Variants in NCOA2 observed in about 807,000 individuals in gnomAD.
NCOA2 encodes the protein class E basic helix-loop-helix protein 75.
NCOA2 carries 21 observed loss-of-function variants against 145.1 expected under a neutral mutation model. The observed-to-expected ratio is 0.14, with a 90% CI of 0.10 to 0.21. The LOEUF (loss-of-function observed/expected upper bound fraction) is 0.21, where lower values mean the gene tolerates loss of function less well. Ranked by LOEUF, NCOA2 falls within the 10% of genes least tolerant of loss-of-function variation. The probability of loss-of-function intolerance (pLI) is 1.00; values close to 1 mark genes in which losing one functional copy is unlikely to be tolerated. For synonymous variants in NCOA2, 619 were observed against 637.5 expected, an observed-to-expected ratio of 0.97 and a Z score of 0.44; for missense variants, 1,472 against 1,837.6, an observed-to-expected ratio of 0.80 and a Z score of 3.64.
intron 1 of NCOA2, among the ~76,000 whole-genome samples, chr8:70,382,932 T>TAC (rs1812342530): frequency 6.6e-6 from 1 of 152,260 alleles, no homozygotes; most frequent in East Asian, 1.9e-4. Flanking sequence ...ACACAGATGG[T>TAC]ACTCTGCAGT....
intron 1 of NCOA2, among the ~76,000 whole-genome samples, chr8:70,309,227 G>C (rs1291703158): frequency 6.6e-6 from 1 of 152,088 alleles, no homozygotes; most frequent in Non-Finnish European, 1.5e-5. Flanking sequence ...ATACAGAAGA[G>C]ACAAACCATC....
intron 10 of NCOA2, among the ~76,000 whole-genome samples, 191 bp downstream of exon 10, chr8:70,159,314 C>T (rs1812700945): frequency 7.0e-6 from 1 of 142,104 alleles, no homozygotes; most frequent in Non-Finnish European, 1.5e-5. Flanking sequence ...GCCATGGATA[C>T]AGAGGGCCAA....
At chr8:70,144,588 T>C (rs903844991) in intron 13 of NCOA2, 54 bp downstream of exon 13, 22 of 1,408,750 alleles carry the variant, frequency 1.6e-5, no homozygotes, top group Non-Finnish European at 2.2e-5. Context: ...TGGATAAATA[T>C]ACCATTAAAT....
At chr8:70,425,951 G>A in the NCOA2 span, among the ~76,000 whole-genome samples, 2 of 152,244 alleles carry the variant, frequency 1.3e-5, no homozygotes, top group East Asian at 1.9e-4. Flanking sequence ...ATCAGAGGAT[G>A]GAATGTGAAT....
At position 70,330,484 on chromosome 8, in the gene NCOA2, T is replaced by C. The variant is rs145802961; in HGVS notation, c.-76-33684A>G. Reference sequence around the variant, plus strand: ...TACTCAGGAGGCTGAGATGGAAAGATTGTTGGAGCCCAGGAGGTCTAGGCT... The same window carrying C: ...TACTCAGGAGGCTGAGATGGAAAGACTGTTGGAGCCCAGGAGGTCTAGGCT... On this transcript the variant is annotated intron_variant, in intron 1 of 22. Transcript: ENST00000452400. Among the ~76,000 whole-genome samples the C allele has an allele frequency of 3.9e-3, 594 of 151,596 alleles. 2 individuals carry two copies. Among genetic ancestry groups the C allele is most frequent in the Non-Finnish European group, 4.3e-3 (295 of 67,886 alleles).
At chr8:70,245,272 A>G (rs1822514699) in intron 2 of NCOA2, 1 of 151,980 alleles carries the variant, frequency 6.6e-6, no homozygotes, top group African/African-American at 2.4e-5. Context: ...CAAACTAGCC[A>G]CACAAATCCT....
intron 4 of NCOA2, among the ~76,000 whole-genome samples, chr8:70,205,457 C>T (rs762232219): frequency 2.0e-5 from 3 of 152,006 alleles, no homozygotes; most frequent in Admixed American, 1.3e-4. Context: ...TGGTCAGACC[C>T]GAGGTCTTGG....
chr8:70,456,076 C>CAAA, the NCOA2 span, among the ~76,000 whole-genome samples: 1 of 102,652 alleles, frequency 9.7e-6, no homozygotes, highest in Non-Finnish European at 2.1e-5. Context: ...CATTGCGTAG[C>CAAA]AAAAAAAAAA....
chr8:70,213,473 C>T (rs1819265890), intron 4 of NCOA2, among the ~76,000 whole-genome samples: 1 of 152,116 alleles, frequency 6.6e-6, no homozygotes, highest in South Asian at 2.1e-4. Context: ...GTGTCATGGC[C>T]AGTTGAGGCT....
chr8:70,320,999 G>C (rs1806006942), intron 1 of NCOA2, among the ~76,000 whole-genome samples: 1 of 152,226 alleles, frequency 6.6e-6, no homozygotes, highest in African/African-American at 2.4e-5. Context: ...ATTTCGCAGT[G>C]ACCTGTGATC....
chr8:70,191,030 T>C (rs1816622164), intron 4 of NCOA2, among the ~76,000 whole-genome samples: 1 of 151,926 alleles, frequency 6.6e-6, no homozygotes, highest in Non-Finnish European at 1.5e-5. Flanking sequence ...GGTACATGAC[T>C]TTGACACAAG....
intron 1 of NCOA2, among the ~76,000 whole-genome samples, chr8:70,326,267 G>A (rs1005828670): frequency 4.6e-5 from 7 of 152,124 alleles, no homozygotes; most frequent in Middle Eastern, 3.4e-3. Flanking sequence ...AAATAAGTCC[G>A]TGTATATATG....
At chr8:70,158,094 A>G (rs1308899756) in intron 10 of NCOA2, among the ~76,000 whole-genome samples, 1 of 152,264 alleles carries the variant, frequency 6.6e-6, no homozygotes, top group African/African-American at 2.4e-5. Flanking sequence ...ATTGTCAAAC[A>G]TCAGCTTTTC....
At chr8:70,194,936 G>A (rs978106563) in intron 4 of NCOA2, among the ~76,000 whole-genome samples, 1 of 152,192 alleles carries the variant, frequency 6.6e-6, no homozygotes, top group African/African-American at 2.4e-5. Context: ...GACAGTGGAT[G>A]TGGAGCTAGG....
At chr8:70,120,519 A>C (rs4738069) in intron 22 of NCOA2, among the ~76,000 whole-genome samples, 1 of 151,656 alleles carries the variant, frequency 6.6e-6, no homozygotes, top group Non-Finnish European at 1.5e-5. Flanking sequence ...TCAGGAGTTC[A>C]AGACCAGCCT....
intron 1 of NCOA2, 64 bp downstream of exon 1, chr8:70,403,636 G>GGCGCCCCCCGCCTGCCGC (rs1814599584): frequency 2.9e-6 from 1 of 347,598 alleles, no homozygotes; most frequent in Non-Finnish European, 5.2e-6. Flanking sequence ...GTGGGGACGC[G>GGCGCCCCCCGCCTGCCGC]GCGCCCCCCG....
intron 2 of NCOA2, among the ~76,000 whole-genome samples, chr8:70,253,349 T>G (rs992999081): frequency 2.0e-5 from 3 of 152,164 alleles, no homozygotes; most frequent in Admixed American, 6.5e-5. Context: ...CATAAGGCAC[T>G]AGGTCTCCAG....
intron 2 of NCOA2, among the ~76,000 whole-genome samples, chr8:70,288,741 A>G (rs1033718312): frequency 6.6e-6 from 1 of 152,250 alleles, no homozygotes; most frequent in Non-Finnish European, 1.5e-5. Context: ...AAAGGCTATC[A>G]TTTCCTATTT....
intron 4 of NCOA2, among the ~76,000 whole-genome samples, chr8:70,194,582 A>G (rs780747607): frequency 6.6e-6 from 1 of 152,212 alleles, no homozygotes. Context: ...TGAATGTTCT[A>G]AAACAAGCCT....
Sources: gnomAD v4.1 joint callset for allele counts (sites outside exome capture counted in the v4.1 genomes callset) on GRCh38, gnomAD v4.1.1 for gene constraint, MANE v1.5 for transcripts, NCBI Gene and HGNC (gene_info 2026-07-23, HGNC 2026-07-21) for gene names.